The following S100G variants were observed in gnomAD, a reference collection of about 807,000 sequenced individuals.
S100G encodes the protein protein S100-G.
S100G carries 4 observed loss-of-function variants against 4.4 expected under a neutral mutation model. The ratio of observed to expected loss-of-function variants is 0.91; its 90% confidence interval spans 0.45 to 2.09. The LOEUF (loss-of-function observed/expected upper bound fraction) is 2.09. Among genes scored for constraint, S100G ranks in the 30% most tolerant of loss-of-function variants. The pLI is 0.03. For missense variants in S100G, 48 were observed against 49.8 expected, an observed-to-expected ratio of 0.96 and a Z score of 0.11; for synonymous variants, 24 against 20.1, an observed-to-expected ratio of 1.20 and a Z score of -0.53.
Position 16,651,014 on chromosome X carries a change from C to T in S100G, c.8C>T (p.Thr3Ile), listed in dbSNP as rs369636673. 2.5e-5 allele frequency: 30 copies of T among 1,204,752 alleles called. 1 individual carries two copies. Among genetic ancestry groups the T allele is most frequent in the African/African-American group, 2.3e-4 (13 of 57,477 alleles). Residue 3 changes from threonine (T) to isoleucine (I), a missense_variant, in exon 2 of 3, where the codon ACT becomes ATT. Transcript: ENST00000380200. MS[T>I]KKSPEELKRI... ...AATTTATAAGACACCAGAATGAGTACTAAAAAGTCTCCTGAGGAACTGAAG... is the reference window on the plus strand; with the variant it reads ...AATTTATAAGACACCAGAATGAGTATTAAAAAGTCTCCTGAGGAACTGAAG...
chrX:16,650,617 A>C (rs572429416), intron 1 of S100G, among the ~76,000 whole-genome samples: 1 of 101,360 alleles, frequency 9.9e-6, no homozygotes, highest in African/African-American at 3.7e-5. Flanking sequence ...GGTTCAAGCG[A>C]TTCTCCTGCC....
chrX:16,653,380 AC>A (rs763220113), intron 2 of S100G, among the ~76,000 whole-genome samples: 1 of 112,339 alleles, frequency 8.9e-6, no homozygotes, highest in Non-Finnish European at 1.9e-5. Context: ...CATTGGCACC[AC>A]CTGGGAAGCT....
chrX:16,651,908 G>A (rs1468670394), intron 2 of S100G, among the ~76,000 whole-genome samples: 1 of 110,852 alleles, frequency 9.0e-6, no homozygotes, highest in Non-Finnish European at 1.9e-5. Flanking sequence ...TACTCCAGGA[G>A]GGCCATGGCG....
In S100G at chrX:16,654,568, ATCC is replaced by A; in HGVS notation, c.*61_*63del. 2 of 659,858 alleles carry A rather than the reference ATCC, an allele frequency of 3.0e-6. No homozygotes were observed. Among genetic ancestry groups the A allele is most frequent in the Non-Finnish European group, 4.6e-6 (2 of 430,168 alleles). 54.4% of individuals were successfully genotyped at this position (659,858 alleles called of 1,213,427 possible). A position where few individuals can be genotyped will look rare whatever the true frequency, so the allele number is the denominator to read the frequency against. On this transcript the variant is annotated 3_prime_UTR_variant, in exon 3 of 3. Transcript: ENST00000380200. ...GGAAGAGCGCCTGTGCTGTGGTCTTATCCTATGTGGAATCCCCCAAAGTCTCTG... is the reference window on the plus strand; with the variant it reads ...GGAAGAGCGCCTGTGCTGTGGTCTTATATGTGGAATCCCCCAAAGTCTCTG...
intron 2 of S100G, among the ~76,000 whole-genome samples, chrX:16,651,428 G>A (rs1208405744): frequency 2.7e-5 from 3 of 111,864 alleles, no homozygotes; most frequent in Middle Eastern, 4.6e-3. Flanking sequence ...AAGTCACCAA[G>A]CAAACCCAAT....
chrX:16,654,486 TTA>T lies in S100G; in HGVS notation c.218_219del (p.Leu73CysfsTer13). 8.4e-7 allele frequency: 1 copy of T among 1,185,575 alleles called. No individual in the cohort carries two copies. The highest frequency in any genetic ancestry group is 1.1e-6 in the Non-Finnish European group (1 of 874,243). On this transcript the variant is annotated frameshift_variant, in exon 3 of 3. Coordinates refer to ENST00000380200, the MANE Select transcript of S100G (RefSeq NM_004057.3). LOFTEE classifies it high-confidence loss of function. ...AGTTAGTTTTGAAGAATTCCAAGTA[TTA>T]GTAAAAAAGATATCCCAGTGAAGGA... The part of the protein sequence containing the change: ...GEVSFEEFQV[L>X]VKKISQ
intron 2 of S100G, among the ~76,000 whole-genome samples, chrX:16,653,801 T>C (rs1932757901): frequency 8.9e-6 from 1 of 111,959 alleles, no homozygotes; most frequent in Admixed American, 9.5e-5. Flanking sequence ...AGTTAAGGGG[T>C]TGAGCTCTGG....
chrX:16,651,102 G>A lies in S100G; in HGVS notation c.96G>A (p.Leu32=). The part of the protein sequence containing the change: ...GDPDQLSKDE[L]KLLIQAEFPS... ...CAGACCAGTTGTCAAAGGATGAACT[G>A]AAGCTATTGATTCAGGCTGAATTCC... Residue 32 remains leucine (L), a synonymous_variant, in exon 2 of 3, where the codon CTG becomes CTA. Coordinates refer to ENST00000380200, the MANE Select transcript of S100G (RefSeq NM_004057.3). 1 of 1,176,912 alleles carries A rather than the reference G, an allele frequency of 8.5e-7. No homozygotes were observed. Among genetic ancestry groups the A allele is most frequent in the Non-Finnish European group, 1.1e-6 (1 of 874,103 alleles).
At chrX:16,654,067 C>A (rs1221770997) in intron 2 of S100G, among the ~76,000 whole-genome samples, 1 of 112,055 alleles carries the variant, frequency 8.9e-6, no homozygotes, top group African/African-American at 3.2e-5. Context: ...CGTGGGCAAT[C>A]CAGTGAAGCC....
chrX:16,652,804 G>C (rs1042586587), intron 2 of S100G, among the ~76,000 whole-genome samples: 1 of 111,299 alleles, frequency 9.0e-6, no homozygotes, highest in African/African-American at 3.3e-5. Context: ...CCATTACTAA[G>C]GTTTTCCACC....
chrX:16,651,262 G>A, intron 2 of S100G, 121 bp downstream of exon 2: 1 of 672,683 alleles, frequency 1.5e-6, no homozygotes, highest in Non-Finnish European at 2.3e-6. Context: ...ACATGCAGGT[G>A]GGGTTTCTTC....
In S100G at chrX:16,651,041, G is replaced by T. The variant is rs1259653281; in HGVS notation, c.35G>T (p.Arg12Met). 1 of 1,203,657 alleles carries T rather than the reference G, an allele frequency of 8.3e-7. No individual in the cohort carries two copies. The highest frequency in any genetic ancestry group is 1.1e-6 in the Non-Finnish European group (1 of 890,272). The change falls in exon 2 of 3, where the codon AGG becomes ATG. Residue 12 changes from arginine (R) to methionine (M), a missense_variant. Coordinates refer to ENST00000380200, the MANE Select transcript of S100G (RefSeq NM_004057.3). Reference sequence around the variant, plus strand: ...AAAAAGTCTCCTGAGGAACTGAAGAGGATTTTTGAAAAATATGCAGCCAAA... The same window carrying T: ...AAAAAGTCTCCTGAGGAACTGAAGATGATTTTTGAAAAATATGCAGCCAAA... ...STKKSPEELK[R>M]IFEKYAAKEG... is the part of the protein sequence containing the mutation.
intron 2 of S100G, among the ~76,000 whole-genome samples, chrX:16,653,336 C>T (rs1416817956): frequency 8.9e-6 from 1 of 112,037 alleles, no homozygotes; most frequent in Non-Finnish European, 1.9e-5. Flanking sequence ...ACATCTCAAG[C>T]AGTGGTTCTC....
rs757919379 is a variant in S100G, at chrX:16,651,072, T to C, written c.66T>C (p.Gly22=). The C allele has an allele frequency of 8.3e-7, 1 of 1,206,858 alleles. No homozygotes were observed. The highest frequency in any genetic ancestry group is 3.0e-5 in the East Asian group (1 of 33,760). Residue 22 remains glycine (G), a synonymous_variant, in exon 2 of 3, where the codon GGT becomes GGC. Coordinates refer to ENST00000380200, the MANE Select transcript of S100G (RefSeq NM_004057.3). The part of the protein sequence containing the change: ...RIFEKYAAKE[G]DPDQLSKDEL... ...TTGAAAAATATGCAGCCAAAGAAGG[T>C]GATCCAGACCAGTTGTCAAAGGATG... is the stretch of plus-strand genomic sequence containing the variant.
intron 1 of S100G, 101 bp from the exon 2 acceptor site, chrX:16,650,898 C>G: frequency 1.5e-6 from 1 of 671,216 alleles, no homozygotes; most frequent in Non-Finnish European, 2.3e-6. Context: ...CCCATTTATG[C>G]CAAGGAAATG....
At chrX:16,651,318 A>C (rs771797006) in intron 2 of S100G, among the ~76,000 whole-genome samples, 177 bp downstream of exon 2, 12 of 111,318 alleles carry the variant, frequency 1.1e-4, no homozygotes, top group Non-Finnish European at 1.7e-4. Flanking sequence ...TCAGAAAACA[A>C]GGGCCAAGCC....
Position 16,650,860 on chromosome X carries a change from C to T in S100G, c.-8-139C>T, listed in dbSNP as rs189166196. On this transcript the variant is annotated intron_variant, in intron 1 of 2. Coordinates refer to ENST00000380200, the MANE Select transcript of S100G (RefSeq NM_004057.3). ...TTAGTAGTTACTGGTGCCATTCCGA[C>T]CCCGACATTCTCTTTTCCTTATTCT... 18 of 510,224 alleles carry T rather than the reference C, an allele frequency of 3.5e-5. No individual in the cohort carries two copies. The African/African-American group carries it at 4.3e-4, about 12-fold the overall frequency. 42.0% of individuals were successfully genotyped at this position (510,224 alleles called of 1,213,427 possible). A position where few individuals can be genotyped will look rare whatever the true frequency, so the allele number is the denominator to read the frequency against.
chrX:16,650,881 AT>A, intron 1 of S100G, 117 bp from the exon 2 acceptor site: 1 of 572,507 alleles, frequency 1.7e-6, no homozygotes. Context: ...TCTTTTCCTT[AT>A]TCTTCCCCAT....
chrX:16,651,319 G>C (rs777661041), intron 2 of S100G, among the ~76,000 whole-genome samples, 178 bp downstream of exon 2: 2 of 111,259 alleles, frequency 1.8e-5, no homozygotes, highest in East Asian at 5.7e-4. Context: ...CAGAAAACAA[G>C]GGCCAAGCCT....
Sources: gnomAD v4.1 joint callset for allele counts (sites outside exome capture counted in the v4.1 genomes callset) on GRCh38, gnomAD v4.1.1 for gene constraint, MANE v1.5 for transcripts, NCBI Gene and HGNC (gene_info 2026-07-23, HGNC 2026-07-21) for gene names.